MYOM1: variants seen among roughly 807,000 people sequenced by gnomAD.
MYOM1 encodes the protein myomesin 1.
Under a neutral mutation model 205.3 loss-of-function variants are expected in MYOM1, and 164 were observed. The ratio of observed to expected loss-of-function variants is 0.80; its 90% CI spans 0.70 to 0.91. The LOEUF is 0.91. Ranked by LOEUF, MYOM1 falls within the 40% of genes least tolerant of loss-of-function variation. The probability of loss-of-function intolerance (pLI) is 0.00; values close to 1 mark genes in which losing one functional copy is unlikely to be tolerated. For missense variants in MYOM1, 2,011 were observed against 2,127.3 expected, an observed-to-expected ratio of 0.95 and a Z score of 1.08; for synonymous variants, 772 against 789.4, an observed-to-expected ratio of 0.98 and a Z score of 0.37.
At chr18:3,127,394 C>T (rs1452343445) in intron 18 of MYOM1, among the ~76,000 whole-genome samples, 3 of 145,388 alleles carry the variant, frequency 2.1e-5, no homozygotes, top group African/African-American at 5.1e-5. Context: ...ATGCAACTTC[C>T]GTCTTCTGGG....
intron 10 of MYOM1, among the ~76,000 whole-genome samples, chr18:3,158,323 A>G (rs1389660440): frequency 1.3e-5 from 2 of 152,126 alleles, no homozygotes; most frequent in Non-Finnish European, 2.9e-5. Context: ...CGTTTCATGG[A>G]GCATCTATTA....
intron 12 of MYOM1, among the ~76,000 whole-genome samples, chr18:3,150,614 C>A (rs2080204934): frequency 6.6e-6 from 1 of 152,070 alleles, no homozygotes; most frequent in South Asian, 2.1e-4. Flanking sequence ...GCCTAAAGTG[C>A]CAGTAGGGCC....
intron 16 of MYOM1, among the ~76,000 whole-genome samples, chr18:3,133,724 G>A (rs1299608820): frequency 6.6e-6 from 1 of 152,138 alleles, no homozygotes; most frequent in Non-Finnish European, 1.5e-5. Context: ...AAAGCACTAT[G>A]AAATGAACTC....
intron 20 of MYOM1, among the ~76,000 whole-genome samples, chr18:3,119,000 C>T (rs961727659): frequency 3.9e-5 from 6 of 152,134 alleles, no homozygotes; most frequent in Non-Finnish European, 7.4e-5. Context: ...AATCACCCCC[C>T]GCATACCTTA....
chr18:3,119,133 G>A (rs1489624620), intron 20 of MYOM1, among the ~76,000 whole-genome samples: 1 of 151,756 alleles, frequency 6.6e-6, no homozygotes, highest in South Asian at 2.1e-4. Flanking sequence ...CCCCATCCTC[G>A]CCCCACTTCC....
the MYOM1 span, among the ~76,000 whole-genome samples, chr18:3,233,860 CA>C: frequency 1.8e-4 from 27 of 152,278 alleles, no homozygotes; most frequent in Admixed American, 1.6e-3. Flanking sequence ...AGAATAACAA[CA>C]AAAAAGTCAA....
chr18:3,112,780 A>T (rs997605184), intron 21 of MYOM1, among the ~76,000 whole-genome samples: 2 of 152,240 alleles, frequency 1.3e-5, no homozygotes, highest in Non-Finnish European at 1.5e-5. Context: ...TGCTCATTAT[A>T]GCATATATGT....
rs1350740347 is a variant in MYOM1 at position 3,135,525 on chromosome 18, A to AACTT, written c.2209+21_2209+22insAAGT. The AACTT allele has an allele frequency of 1.2e-6, 2 of 1,603,512 alleles. No individual in the cohort carries two copies. The highest frequency in any genetic ancestry group is 2.7e-5 in the African/African-American group (2 of 74,614). Reference sequence around the variant, plus strand: ...TGCTTTGAAATTTTCTCTTGAAGTAAAAGAAGTTTACAGTTGCTTACCAAG... The same window carrying AACTT: ...TGCTTTGAAATTTTCTCTTGAAGTAAACTTAAGAAGTTTACAGTTGCTTACCAAG... On this transcript the variant is annotated intron_variant, in intron 15 of 37. Transcript: ENST00000356443. This position sits in a 1 kb window ranked among gnomAD's most constrained non-coding sequence, Gnocchi z 4.1.
intron 13 of MYOM1, among the ~76,000 whole-genome samples, chr18:3,146,023 A>G (rs947645803): frequency 4.6e-5 from 7 of 152,076 alleles, no homozygotes; most frequent in Admixed American, 4.6e-4. Context: ...GATGAAAACT[A>G]TTAAATTTTA....
intron 33 of MYOM1, among the ~76,000 whole-genome samples, chr18:3,080,599 G>A (rs897387615): frequency 6.6e-5 from 10 of 151,544 alleles, no homozygotes; most frequent in African/African-American, 4.8e-5. Flanking sequence ...GCTTGAACCC[G>A]GGAGGCGGAG....
Position 3,135,650 on chromosome 18 carries a change from C to A in MYOM1, c.2106G>T (p.Leu702Phe). The change falls in exon 15 of 38, where the codon TTG becomes TTT. Residue 702 changes from leucine (L) to phenylalanine (F), a missense_variant. Leu to Phe is a conservative substitution (Grantham distance 22). Coordinates refer to ENST00000356443, the MANE Select transcript of MYOM1 (RefSeq NM_003803.4). This position sits in a 1 kb window ranked among gnomAD's most constrained non-coding sequence, Gnocchi z 4.1. ...GGAAACAGTAGGATTTCCCCTCGGCCAAGTCAAACAGAGCAAAGCGGGGAG... is the reference window on the plus strand; with the variant it reads ...GGAAACAGTAGGATTTCCCCTCGGCAAAGTCAAACAGAGCAAAGCGGGGAG... ...VKSPRFALFD[L>F]AEGKSYCFRV... The A allele has an allele frequency of 6.2e-7, 1 of 1,613,934 alleles. No homozygotes were observed. The highest frequency in any genetic ancestry group is 8.5e-7 in the Non-Finnish European group (1 of 1,179,888).
chr18:3,148,450 C>T (rs2080161403), intron 13 of MYOM1, among the ~76,000 whole-genome samples: 1 of 152,022 alleles, frequency 6.6e-6, no homozygotes. Flanking sequence ...ACTACAGTGG[C>T]AGAAAGCAGA....
chr18:3,077,014 G>GTT (rs1308689052), intron 34 of MYOM1, among the ~76,000 whole-genome samples: 10 of 135,240 alleles, frequency 7.4e-5, no homozygotes, highest in Non-Finnish European at 9.7e-5. Context: ...TCCCAGCCTT[G>GTT]TTTTTTTTTT....
intron 37 of MYOM1, among the ~76,000 whole-genome samples, chr18:3,071,038 C>T (rs918636605): frequency 2.6e-5 from 4 of 151,992 alleles, no homozygotes; most frequent in Admixed American, 6.6e-5. Context: ...AGATTACAGG[C>T]GTGAGCCACT....
chr18:3,097,931 C>T (rs1015497369), intron 25 of MYOM1, among the ~76,000 whole-genome samples: 1 of 152,232 alleles, frequency 6.6e-6, no homozygotes. Flanking sequence ...GAACACTAAA[C>T]TCCAGGGAGG....
Position 3,121,350 on chromosome 18 carries a change from A to G in MYOM1, c.2992-1355T>C, listed in dbSNP as rs191575030. On this transcript the variant is annotated intron_variant, in intron 19 of 37. Transcript: ENST00000356443. ...CATCTAGACCTATAGTATTTTAAGT[A>G]TAGCACACCAAAGATAAAGTGAACA... Among the ~76,000 whole-genome samples, 550 of 152,314 alleles carry G rather than the reference A, an allele frequency of 3.6e-3. 1 individual carries two copies. The highest frequency in any genetic ancestry group is 5.7e-3 in the Non-Finnish European group (386 of 68,024).
At chr18:3,088,277 A>G (rs187197629) in intron 29 of MYOM1, among the ~76,000 whole-genome samples, 25 of 152,228 alleles carry the variant, frequency 1.6e-4, no homozygotes, top group Admixed American at 1.6e-3. Flanking sequence ...GCAAATGAAG[A>G]AGTGAGTGGG....
At chr18:3,088,793 A>G (rs2079186058) in intron 29 of MYOM1, among the ~76,000 whole-genome samples, 1 of 152,178 alleles carries the variant, frequency 6.6e-6, no homozygotes, top group South Asian at 2.1e-4. Context: ...TTGTTGCACC[A>G]GCCTCACAAT....
chr18:3,245,119 GTTGT>G, the MYOM1 span, among the ~76,000 whole-genome samples: 1 of 152,206 alleles, frequency 6.6e-6, no homozygotes, highest in African/African-American at 2.4e-5. Context: ...ATAAATTTCT[GTTGT>G]TTAAGCCGCC....
Sources: gnomAD v4.1 joint callset for allele counts (sites outside exome capture counted in the v4.1 genomes callset) on GRCh38, gnomAD v4.1.1 for gene constraint, Gnocchi (gnomAD v3.1) non-coding constraint, MANE v1.5 for transcripts, NCBI Gene and HGNC (gene_info 2026-07-23, HGNC 2026-07-21) for gene names.